The following CFAP70 variants were observed in gnomAD, a reference collection of about 807,000 sequenced individuals.
CFAP70 encodes cilia- and flagella-associated protein 70.
Under a neutral mutation model 137.6 loss-of-function variants are expected in CFAP70, and 81 were observed. That is an observed-to-expected ratio of 0.59 (90% CI 0.49 to 0.71). The LOEUF is 0.71. CFAP70 is among the 30% of genes least tolerant of loss of function. The pLI, the probability that CFAP70 is intolerant of heterozygous loss-of-function variation, is 0.00. For synonymous variants in CFAP70, 382 were observed against 423.6 expected (o/e 0.90, Z 1.20); for missense variants, 976 against 1,226.7 (o/e 0.80, Z 3.05).
intron 25 of CFAP70, among the ~76,000 whole-genome samples, chr10:73,257,055 C>T (rs2044596124): frequency 6.6e-6 from 1 of 151,918 alleles, no homozygotes; most frequent in Admixed American, 6.6e-5. Context: ...TAACACTTAC[C>T]ACTCCGTACT....
intron 25 of CFAP70, among the ~76,000 whole-genome samples, chr10:73,263,944 C>A (rs1169674829): frequency 6.6e-6 from 1 of 152,158 alleles, no homozygotes; most frequent in Non-Finnish European, 1.5e-5. Context: ...CCTTTCTCTA[C>A]CACTTATTTG....
intron 5 of CFAP70, among the ~76,000 whole-genome samples, chr10:73,342,543 T>C (rs2132426121): frequency 6.6e-6 from 1 of 151,962 alleles, no homozygotes; most frequent in East Asian, 1.9e-4. Context: ...ACCCTGTCTC[T>C]TATTAATAGA....
intron 25 of CFAP70, among the ~76,000 whole-genome samples, chr10:73,265,622 C>A (rs951306125): frequency 8.5e-5 from 13 of 152,130 alleles, no homozygotes; most frequent in Non-Finnish European, 8.8e-5. Context: ...TAATAACTTG[C>A]GCACGCTCAT....
exon 20 of CFAP70, chr10:73,278,250 G>T (rs751184452): frequency 6.2e-7 from 1 of 1,614,014 alleles, no homozygotes; most frequent in South Asian, 1.1e-5. Context: ...CCAAGTTTGT[G>T]TAGTCAAAAT....
At chr10:73,300,068 T>C (rs2048835370) in intron 12 of CFAP70, among the ~76,000 whole-genome samples, 1 of 152,134 alleles carries the variant, frequency 6.6e-6, no homozygotes, top group South Asian at 2.1e-4. Flanking sequence ...GAAATCTGAG[T>C]GGAATAGGCA....
chr10:73,282,881 G>A (rs1375972763), intron 19 of CFAP70, among the ~76,000 whole-genome samples: 1 of 124,068 alleles, frequency 8.1e-6, no homozygotes. Flanking sequence ...TGCCCAGGCT[G>A]TAGTGCAGTG....
exon 21 of CFAP70, chr10:73,277,300 A>G (rs756888374): frequency 6.2e-7 from 1 of 1,614,160 alleles, no homozygotes; most frequent in South Asian, 1.1e-5. Flanking sequence ...TGGTAGTTTG[A>G]GAAACACCAT....
At chr10:73,278,127 C>G (rs2046932165) in intron 20 of CFAP70, 52 bp downstream of exon 21, 1 of 1,573,224 alleles carries the variant, frequency 6.4e-7, no homozygotes, top group Admixed American at 1.7e-5. Context: ...GAGTCTTCAT[C>G]CTTGTCTAGC....
intron 9 of CFAP70, among the ~76,000 whole-genome samples, chr10:73,314,797 G>T (rs1228065486): frequency 6.6e-6 from 1 of 151,820 alleles, no homozygotes; most frequent in East Asian, 2.0e-4. Context: ...GTAAAGATAG[G>T]GTCTCACCAT....
At chr10:73,316,092 T>C (rs2050311268) in intron 9 of CFAP70, among the ~76,000 whole-genome samples, 1 of 152,150 alleles carries the variant, frequency 6.6e-6, no homozygotes, top group African/African-American at 2.4e-5. Flanking sequence ...TTCAGTAATA[T>C]GTATTTCTAG....
chr10:73,301,398 T>A (rs7909301), intron 12 of CFAP70, among the ~76,000 whole-genome samples: 16,071 of 152,216 alleles, frequency 0.11, 1,218 homozygotes, highest in East Asian at 0.3. Flanking sequence ...GCTCTCTCTG[T>A]CTTTTGCTCC....
intron 2 of CFAP70, 152 bp downstream of exon 2, chr10:73,354,582 G>C: frequency 1.5e-6 from 1 of 667,104 alleles, no homozygotes. Flanking sequence ...ATGTGACTTG[G>C]AGATTAAGAC....
chr10:73,300,783 C>G (rs1370158720), intron 12 of CFAP70, among the ~76,000 whole-genome samples: 4 of 152,138 alleles, frequency 2.6e-5, no homozygotes, highest in African/African-American at 9.7e-5. Flanking sequence ...ATTTCTTGAA[C>G]CTGGGAGGCA....
At chr10:73,266,557 G>A (rs963907742) in intron 25 of CFAP70, among the ~76,000 whole-genome samples, 5 of 152,186 alleles carry the variant, frequency 3.3e-5, no homozygotes, top group Admixed American at 6.5e-5. Flanking sequence ...ACTTCAAAAG[G>A]AATGCTTCTA....
At chr10:73,325,492 A>G (rs1319659676) in intron 8 of CFAP70, among the ~76,000 whole-genome samples, 1 of 152,180 alleles carries the variant, frequency 6.6e-6, no homozygotes, top group East Asian at 1.9e-4. Flanking sequence ...AACAATATTA[A>G]CCTTAAATGT....
At position 73,275,894 on chromosome 10, in the gene CFAP70, C is replaced by T. The variant is rs2046689028; in HGVS notation, c.2521-296G>A. ...TGAGTGTTAGACTGCATGTATTATG[C>T]AGCAGACAAAGGCACATCATCAACC... On this transcript the variant is annotated intron_variant, in intron 21 of 26. Transcript: ENST00000310715. This position sits in a 1 kb window ranked among gnomAD's most constrained non-coding sequence, Gnocchi z 4.0. 5.0e-6 allele frequency: 1 copy of T among 200,154 alleles called. No homozygotes were observed. The highest frequency in any genetic ancestry group is 6.0e-5 in the Admixed American group (1 of 16,536). 12.4% of individuals were successfully genotyped at this position (200,154 alleles called of 1,614,324 possible). A position where few individuals can be genotyped will look rare whatever the true frequency, so the allele number is the denominator to read the frequency against.
At chr10:73,339,591 A>G (rs976780466) in intron 6 of CFAP70, among the ~76,000 whole-genome samples, 1 of 152,204 alleles carries the variant, frequency 6.6e-6, no homozygotes, top group African/African-American at 2.4e-5. Context: ...TGAGCTAGGC[A>G]TGGATCATTG....
intron 6 of CFAP70, among the ~76,000 whole-genome samples, chr10:73,337,986 T>C (rs1259488790): frequency 1.3e-5 from 2 of 152,190 alleles, no homozygotes. Flanking sequence ...AACCTTTGTA[T>C]ATCTGAAAAT....
chr10:73,342,157 C>G lies in CFAP70; in HGVS notation c.400-576G>C, dbSNP rs1027974433. ...AAAATTGGTAAAATATATAAGTAGGCAATTTATAGAAGGGGAAATTAGAAC... is the reference window on the plus strand; with the variant it reads ...AAAATTGGTAAAATATATAAGTAGGGAATTTATAGAAGGGGAAATTAGAAC... On this transcript the variant is annotated intron_variant, in intron 5 of 26. Coordinates refer to ENST00000310715, the Ensembl canonical transcript of CFAP70. Among the ~76,000 whole-genome samples the G allele has an allele frequency of 4.6e-5, 7 of 152,064 alleles. No individual in the cohort carries two copies. The South Asian group carries it at 1.5e-3, about 32-fold the overall frequency.
Sources: allele counts gnomAD v4.1 joint callset (sites outside exome capture counted in the v4.1 genomes callset), GRCh38; gene constraint gnomAD v4.1.1; non-coding constraint Gnocchi (gnomAD v3.1); transcripts MANE v1.5; gene names NCBI Gene and HGNC (gene_info 2026-07-23, HGNC 2026-07-21).